Variants in PTPRD observed in about 807,000 individuals in gnomAD.
PTPRD encodes receptor-type tyrosine-protein phosphatase delta.
PTPRD carries 34 observed loss-of-function variants against 214.5 expected under a neutral mutation model. That is an observed-to-expected ratio of 0.16 (90% CI 0.12 to 0.21). PTPRD has a LOEUF of 0.21. Among genes scored for constraint, PTPRD ranks in the 10% least tolerant of loss-of-function variants. The probability of loss-of-function intolerance (pLI) is 1.00; values close to 1 mark genes in which losing one functional copy is unlikely to be tolerated. For synonymous variants in PTPRD, 1,128 were observed against 845.7 expected (o/e 1.33, Z -5.79); for missense variants, 2,545 against 2,398.7 (o/e 1.06, Z -1.27).
intron 3 of PTPRD, among the ~76,000 whole-genome samples, chr9:10,095,541 C>CAGTG (rs1390528260): frequency 6.6e-6 from 1 of 151,600 alleles, no homozygotes; most frequent in Non-Finnish European, 1.5e-5. Context: ...GAAGACTAGA[C>CAGTG]AGTGGTGCCT....
At position 10,140,903 on chromosome 9, in the gene PTPRD, G is replaced by A. The variant is rs1169183187; in HGVS notation, c.-544-107113C>T. On this transcript the variant is annotated intron_variant, in intron 3 of 45. Coordinates refer to ENST00000381196, the MANE Select transcript of PTPRD (RefSeq NM_002839.4). ...GCACATCAAAAAGCTTATCCACCAT[G>A]ATCAAGTGGGCTTCATCCCTGGGAT... 6.6e-5 allele frequency among the ~76,000 whole-genome samples: 10 copies of A among 151,908 alleles called. No homozygotes were observed. The East Asian group carries it at 1.7e-3, about 27-fold the overall frequency.
intron 2 of PTPRD, among the ~76,000 whole-genome samples, chr9:10,547,915 G>C (rs1405001293): frequency 6.6e-6 from 1 of 152,004 alleles, no homozygotes; most frequent in Non-Finnish European, 1.5e-5. Flanking sequence ...TAGTTGCATG[G>C]TAATTTCAGT....
intron 2 of PTPRD, among the ~76,000 whole-genome samples, chr9:10,583,247 T>C (rs1591443863): frequency 6.6e-6 from 1 of 152,114 alleles, no homozygotes; most frequent in East Asian, 1.9e-4. Flanking sequence ...AGCAGAAAGA[T>C]GCACAAATAG....
At chr9:9,497,605 G>C (rs1213854934) in intron 8 of PTPRD, among the ~76,000 whole-genome samples, 3 of 152,068 alleles carry the variant, frequency 2.0e-5, no homozygotes, top group African/African-American at 7.2e-5. Context: ...AAGAACATTT[G>C]TCCATGTCAA....
chr9:9,784,418 C>A (rs1056782164), intron 5 of PTPRD, among the ~76,000 whole-genome samples: 1 of 152,048 alleles, frequency 6.6e-6, no homozygotes, highest in African/African-American at 2.4e-5. Flanking sequence ...ACAGCATCCA[C>A]AATTATACTG....
intron 14 of PTPRD, among the ~76,000 whole-genome samples, chr9:8,627,500 C>T (rs1420298022): frequency 6.6e-6 from 1 of 151,768 alleles, no homozygotes; most frequent in Non-Finnish European, 1.5e-5. Context: ...ATGTTCATTT[C>T]AAAATTATTA....
chr9:8,924,068 TTTA>T (rs1339954226), intron 11 of PTPRD, among the ~76,000 whole-genome samples: 1 of 152,126 alleles, frequency 6.6e-6, no homozygotes, highest in Non-Finnish European at 1.5e-5. Context: ...ATATTTTAAT[TTTA>T]TTATTATGTC....
intron 9 of PTPRD, among the ~76,000 whole-genome samples, chr9:9,203,037 GC>G (rs1287143303): frequency 6.6e-6 from 1 of 152,086 alleles, no homozygotes; most frequent in Non-Finnish European, 1.5e-5. Context: ...ATTCCCAGCT[GC>G]CTATTTGCCA....
chr9:10,254,768 G>C (rs561967839), intron 3 of PTPRD, among the ~76,000 whole-genome samples: 2 of 152,090 alleles, frequency 1.3e-5, no homozygotes, highest in African/African-American at 2.4e-5. Flanking sequence ...GGGTCACAAA[G>C]ACTCAAATGT....
intron 9 of PTPRD, among the ~76,000 whole-genome samples, chr9:9,345,835 T>C (rs1252687531): frequency 2.0e-5 from 3 of 152,188 alleles, no homozygotes; most frequent in Non-Finnish European, 4.4e-5. Flanking sequence ...TAGGTTATTG[T>C]GATGATTAGA....
chr9:8,988,411 A>G (rs1245183616), intron 11 of PTPRD, among the ~76,000 whole-genome samples: 1 of 152,114 alleles, frequency 6.6e-6, no homozygotes, highest in African/African-American at 2.4e-5. Flanking sequence ...TTTCTTTAAG[A>G]AAAACCGTAA....
At chr9:9,551,223 C>A (rs1394438742) in intron 8 of PTPRD, among the ~76,000 whole-genome samples, 1 of 151,900 alleles carries the variant, frequency 6.6e-6, no homozygotes, top group African/African-American at 2.4e-5. Context: ...AAATAAACTG[C>A]ATAAATTTTA....
intron 11 of PTPRD, among the ~76,000 whole-genome samples, chr9:9,009,012 A>G (rs1477948120): frequency 6.6e-6 from 1 of 152,200 alleles, no homozygotes. Context: ...TAACAGCTTC[A>G]GATGAAATCT....
In PTPRD at chr9:8,797,878, T is replaced by G. The variant is rs1003432494; in HGVS notation, c.-103-63932A>C. Among the ~76,000 whole-genome samples, 428 of 151,992 alleles carry G rather than the reference T, an allele frequency of 2.8e-3. 2 individuals carry two copies. Among genetic ancestry groups the G allele is most frequent in the African/African-American group, 9.9e-3 (410 of 41,456 alleles). On this transcript the variant is annotated intron_variant, in intron 11 of 45. Transcript: ENST00000381196. ...AAATAAATTTAACAGAATTTTTTTT[T>G]TTTTTCATTTTTAGAGAGTCTTGAT...
At chr9:9,419,158 C>A (rs527325041) in intron 8 of PTPRD, among the ~76,000 whole-genome samples, 1 of 150,880 alleles carries the variant, frequency 6.6e-6, no homozygotes, top group Non-Finnish European at 1.5e-5. Flanking sequence ...CACACACACA[C>A]ACACACAAGC....
At chr9:8,718,692 G>C (rs1220656179) in intron 12 of PTPRD, among the ~76,000 whole-genome samples, 1 of 152,086 alleles carries the variant, frequency 6.6e-6, no homozygotes, top group Non-Finnish European at 1.5e-5. Context: ...CAAGAATATA[G>C]GTATGCCCTT....
rs901381676 is a variant in PTPRD at position 9,444,922 on chromosome 9, A to G, written c.-236-47440T>C. The stretch of plus-strand genomic sequence containing the variant: ...CCCTACTTTCTGACCTATTTTCTCT[A>G]TCCTTCATTTGTTCCATTTGACCAG... On this transcript the variant is annotated intron_variant, in intron 8 of 45. Transcript: ENST00000381196. 2.0e-5 allele frequency among the ~76,000 whole-genome samples: 3 copies of G among 152,136 alleles called. No homozygotes were observed. In the East Asian group the frequency reaches 5.8e-4, roughly 29 times the overall value.
At chr9:9,489,982 C>A (rs1440974820) in intron 8 of PTPRD, among the ~76,000 whole-genome samples, 1 of 151,902 alleles carries the variant, frequency 6.6e-6, no homozygotes, top group Non-Finnish European at 1.5e-5. Flanking sequence ...AAGCCAGAAA[C>A]AAAGAGAAAA....
At chr9:10,108,574 A>T (rs540938562) in intron 3 of PTPRD, among the ~76,000 whole-genome samples, 2 of 152,198 alleles carry the variant, frequency 1.3e-5, no homozygotes, top group African/African-American at 4.8e-5. Context: ...AAAAAATCAA[A>T]AAATCCAACT....
Sources: allele counts gnomAD v4.1 joint callset (sites outside exome capture counted in the v4.1 genomes callset), GRCh38; gene constraint gnomAD v4.1.1; transcripts MANE v1.5; gene names NCBI Gene and HGNC (gene_info 2026-07-23, HGNC 2026-07-21).